SLC24A3: variants seen among roughly 807,000 people sequenced by gnomAD.
The protein encoded by SLC24A3 is sodium/potassium/calcium exchanger 3.
SLC24A3 carries 28 observed loss-of-function variants against 75.8 expected under a neutral mutation model. The observed-to-expected ratio is 0.37, with a 90% CI of 0.27 to 0.51. SLC24A3 has a LOEUF of 0.51. Among genes scored for constraint, SLC24A3 ranks in the 20% least tolerant of loss-of-function variants. The pLI is 0.94. For synonymous variants in SLC24A3, 372 were observed against 334.1 expected (o/e 1.11, Z -1.24); for missense variants, 663 against 847.8 (o/e 0.78, Z 2.71).
intron 3 of SLC24A3, among the ~76,000 whole-genome samples, chr20:19,560,945 C>T (rs564017768): frequency 2.6e-4 from 39 of 152,252 alleles, no homozygotes; most frequent in African/African-American, 7.5e-4. Context: ...ATCATATGTA[C>T]GTGTGGATGA....
chr20:19,541,750 A>G (rs1242100450), intron 3 of SLC24A3, among the ~76,000 whole-genome samples: 4 of 152,212 alleles, frequency 2.6e-5, no homozygotes, highest in Admixed American at 1.3e-4. Flanking sequence ...AGTCAGGGAA[A>G]TGTGCTTCCC....
intron 2 of SLC24A3, among the ~76,000 whole-genome samples, chr20:19,424,935 C>CTG (rs1437203338): frequency 5.3e-5 from 8 of 152,112 alleles, no homozygotes; most frequent in African/African-American, 1.9e-4. Flanking sequence ...TATAGGTCTC[C>CTG]TGTTCTTTAT....
At chr20:19,511,489 G>A (rs1194812602) in intron 2 of SLC24A3, among the ~76,000 whole-genome samples, 2 of 151,986 alleles carry the variant, frequency 1.3e-5, no homozygotes, top group South Asian at 2.1e-4. Context: ...CACCACGCCC[G>A]GCTAATTTTT....
chr20:19,671,636 G>GT (rs113299391), intron 8 of SLC24A3, among the ~76,000 whole-genome samples: 12,358 of 145,410 alleles, frequency 0.085, 584 homozygotes, highest in African/African-American at 0.13. Flanking sequence ...CCCAGGGTTG[G>GT]TTTTTTTTTT....
Position 19,515,482 on chromosome 20 carries a change from C to T in SLC24A3, c.272-6C>T. On this transcript the variant is annotated splice_region_variant and splice_polypyrimidine_tract_variant and intron_variant, in intron 2 of 16. Transcript: ENST00000328041. ...GCTGAGACGGTTTTCTTTCTCTGTT[C>T]TTTAGCCCTGCATGAATTCCCCAAT... The T allele has an allele frequency of 6.2e-7, 1 of 1,614,118 alleles. No homozygotes were observed. The highest frequency in any genetic ancestry group is 8.5e-7 in the Non-Finnish European group (1 of 1,179,944).
rs551327008 is a variant in SLC24A3 at position 19,563,133 on chromosome 20, A to G, written c.349-16867A>G. 9.2e-5 allele frequency among the ~76,000 whole-genome samples: 14 copies of G among 152,328 alleles called. No individual in the cohort carries two copies. The South Asian group carries it at 2.7e-3, about 29-fold the overall frequency. ...CAACTGAAGACAAATTAATCCGCAC[A>G]ACTGAAGACAAAAAGCCATCCCCTC... On this transcript the variant is annotated intron_variant, in intron 3 of 16. Coordinates refer to ENST00000328041, the MANE Select transcript of SLC24A3 (RefSeq NM_020689.4).
At chr20:19,495,974 T>A (rs999937368) in intron 2 of SLC24A3, among the ~76,000 whole-genome samples, 221 of 152,184 alleles carry the variant, frequency 1.5e-3, no homozygotes, top group Non-Finnish European at 2.3e-3. Context: ...AAGATTTTTT[T>A]TAAAAACAAT....
chr20:19,477,685 G>A (rs886080848), intron 2 of SLC24A3, among the ~76,000 whole-genome samples: 1 of 152,116 alleles, frequency 6.6e-6, no homozygotes, highest in Non-Finnish European at 1.5e-5. Flanking sequence ...GGTGCCATGT[G>A]CCATGTACCT....
chr20:19,267,376 A>C (rs1983198656), intron 1 of SLC24A3, among the ~76,000 whole-genome samples: 1 of 152,320 alleles, frequency 6.6e-6, no homozygotes, highest in South Asian at 2.1e-4. Flanking sequence ...CAAGATATTA[A>C]ATTTTCAGTT....
At chr20:19,556,166 C>T (rs937709100) in intron 3 of SLC24A3, among the ~76,000 whole-genome samples, 2 of 152,084 alleles carry the variant, frequency 1.3e-5, no homozygotes, top group Admixed American at 1.3e-4. Context: ...GCCCCACCTC[C>T]CAATACCTTC....
chr20:19,721,026 C>T lies in SLC24A3; in HGVS notation c.1821C>T (p.Asp607=). 1.2e-6 allele frequency: 2 copies of T among 1,614,092 alleles called. No individual in the cohort carries two copies. The highest frequency in any genetic ancestry group is 1.7e-6 in the Non-Finnish European group (2 of 1,180,018). ...TCCACCTGAACAAGTGGCAGCTGGA[C>T]AAGAAGCTGGGCTGTGGGTGCCTCC... is the stretch of plus-strand genomic sequence containing the variant. ...FGVHLNKWQL[D]KKLGCGCLLL... is the part of the protein sequence containing the mutation. Residue 607 remains aspartate (D), a synonymous_variant, in exon 17 of 17, where the codon GAC becomes GAT. Coordinates refer to ENST00000328041, the MANE Select transcript of SLC24A3 (RefSeq NM_020689.4).
At chr20:19,668,093 C>G (rs925860257) in intron 8 of SLC24A3, among the ~76,000 whole-genome samples, 2 of 152,134 alleles carry the variant, frequency 1.3e-5, no homozygotes, top group Middle Eastern at 3.4e-3. Flanking sequence ...CCTGGGGGGG[C>G]CTTGGTGGCA....
chr20:19,644,947 A>G (rs547878556), intron 6 of SLC24A3, among the ~76,000 whole-genome samples: 1 of 152,330 alleles, frequency 6.6e-6, no homozygotes, highest in South Asian at 2.1e-4. Flanking sequence ...TGGTCTTATT[A>G]TACATGAAGC....
At chr20:19,678,808 G>A (rs1019070711) in intron 9 of SLC24A3, among the ~76,000 whole-genome samples, 3 of 148,626 alleles carry the variant, frequency 2.0e-5, no homozygotes, top group Non-Finnish European at 4.5e-5. Context: ...CGGGCGGAGG[G>A]TCTCCTCCCT....
At position 19,346,124 on chromosome 20, in the gene SLC24A3, G is replaced by GTATATA. The variant is rs376367757; in HGVS notation, c.271+65045_271+65050dup. On this transcript the variant is annotated intron_variant, in intron 2 of 16. Coordinates refer to ENST00000328041, the MANE Select transcript of SLC24A3 (RefSeq NM_020689.4). The stretch of plus-strand genomic sequence containing the variant: ...ATATATATATGGTGTGTGTGTGTGT[G>GTATATA]TATATATATATATGGTGTGTGTATA... Among the ~76,000 whole-genome samples the GTATATA allele has an allele frequency of 2.4e-3, 105 of 43,590 alleles. 6 individuals carry two copies. The highest frequency in any genetic ancestry group is 3.8e-3 in the African/African-American group (27 of 7,184). The allele number at this position is 43,590 out of a possible 152,430, so 28.6% of individuals were successfully genotyped here. A position where few individuals can be genotyped will look rare whatever the true frequency, so the allele number is the denominator to read the frequency against.
intron 2 of SLC24A3, among the ~76,000 whole-genome samples, chr20:19,448,538 T>A (rs1987425861): frequency 6.6e-6 from 1 of 152,182 alleles, no homozygotes; most frequent in African/African-American, 2.4e-5. Flanking sequence ...CAGTTACCAT[T>A]TGTCCTTTTC....
chr20:19,366,527 A>G (rs1190467439), intron 2 of SLC24A3, among the ~76,000 whole-genome samples: 1 of 152,066 alleles, frequency 6.6e-6, no homozygotes, highest in African/African-American at 2.4e-5. Flanking sequence ...ATCCCTAATG[A>G]CCAGCCCTTA....
At chr20:19,482,573 C>G (rs1988072499) in intron 2 of SLC24A3, among the ~76,000 whole-genome samples, 1 of 152,146 alleles carries the variant, frequency 6.6e-6, no homozygotes, top group South Asian at 2.1e-4. Flanking sequence ...CTCTTGTGTC[C>G]CCAGTGTCCA....
intron 1 of SLC24A3, among the ~76,000 whole-genome samples, chr20:19,239,139 C>A (rs6045928): frequency 0.02 from 2,598 of 126,976 alleles, 50 homozygotes; most frequent in African/African-American, 0.063. Flanking sequence ...AAAAAAAAAA[C>A]AACACAGAGT....
Sources: gnomAD v4.1 joint callset for allele counts (sites outside exome capture counted in the v4.1 genomes callset) on GRCh38, gnomAD v4.1.1 for gene constraint, MANE v1.5 for transcripts, NCBI Gene and HGNC (gene_info 2026-07-23, HGNC 2026-07-21) for gene names.